Variants in PCARE observed in about 807,000 individuals in gnomAD.
PCARE encodes photoreceptor cilium actin regulator.
PCARE carries 72 observed loss-of-function variants against 82.2 expected under a neutral mutation model. The observed-to-expected ratio is 0.88, with a 90% CI of 0.72 to 1.07. The LOEUF (loss-of-function observed/expected upper bound fraction) is 1.07, where lower values mean the gene tolerates loss of function less well. Among genes scored for constraint, PCARE ranks in the 50% least tolerant of loss-of-function variants. PCARE has a pLI of 0.00. For synonymous variants in PCARE, 705 were observed against 634.8 expected (o/e 1.11, Z -1.66); for missense variants, 1,768 against 1,592.4 (o/e 1.11, Z -1.88).
At chr2:29,065,938 G>A (rs1404625880) in intron 1 of PCARE, among the ~76,000 whole-genome samples, 1 of 152,318 alleles carries the variant, frequency 6.6e-6, no homozygotes, top group East Asian at 1.9e-4. Context: ...CCTGGGGTCA[G>A]GAGTTTGAGA....
chr2:29,065,966 G>A (rs1026163091), intron 1 of PCARE, among the ~76,000 whole-genome samples: 4 of 152,150 alleles, frequency 2.6e-5, no homozygotes, highest in Non-Finnish European at 4.4e-5. Flanking sequence ...GGCTAACATG[G>A]TGAAACCCCA....
intron 1 of PCARE, 116 bp downstream of exon 1, chr2:29,070,478 C>G: frequency 7.0e-7 from 1 of 1,432,824 alleles, no homozygotes; most frequent in Non-Finnish European, 9.8e-7. Flanking sequence ...CCAACTGCCT[C>G]TTCTCTTGGA....
chr2:29,068,816 C>T (rs2148414059), intron 1 of PCARE, among the ~76,000 whole-genome samples: 1 of 152,264 alleles, frequency 6.6e-6, no homozygotes, highest in Admixed American at 6.5e-5. Flanking sequence ...CATGAAGACT[C>T]TTGTTCTCAC....
chr2:29,066,816 C>T (rs1018066137), intron 1 of PCARE, among the ~76,000 whole-genome samples: 1 of 152,224 alleles, frequency 6.6e-6, no homozygotes, highest in Admixed American at 6.5e-5. Flanking sequence ...AGCGTGCATG[C>T]CTGGGCAGTC....
chr2:29,071,191 G>A lies in PCARE; in HGVS notation c.3071C>T (p.Ser1024Phe). The change falls in exon 1 of 2, where the codon TCT (serine) becomes TTT (phenylalanine). Residue 1024 changes from serine to phenylalanine, a missense_variant. By Grantham distance (155) the Ser-to-Phe change is radical. Transcript: ENST00000331664. ...TGGGCTGGGGGGCGTCTGCACAGCA[G>A]AGGGGCTTGGCTGGGCAGGTCTGTA... is the stretch of plus-strand genomic sequence containing the variant. ...SSYRPAQPSP[S>F]AVQTPPSPPV... 15 of 1,597,818 alleles carry A rather than the reference G, an allele frequency of 9.4e-6. No homozygotes were observed. The highest frequency in any genetic ancestry group is 1.3e-5 in the Non-Finnish European group (15 of 1,171,974).
At position 29,073,490 on chromosome 2, in the gene PCARE, T is replaced by C. The variant is rs765838858; in HGVS notation, c.772A>G (p.Arg258Gly). The change falls in exon 1 of 2, where the codon AGA becomes GGA. Residue 258 changes from arginine to glycine, a missense_variant. By Grantham distance (125) the Arg-to-Gly change is moderately radical. Coordinates refer to ENST00000331664, the MANE Select transcript of PCARE (RefSeq NM_001029883.3). ...REDLAWPLKK[R>G]EPQEQPNLLQ... ...AGATTTGGCTGCTCCTGGGGCTCTC[T>C]TTTCTTCAAAGGCCAAGCCAGATCC... is the stretch of plus-strand genomic sequence containing the variant. 9 of 1,614,118 alleles carry C rather than the reference T, an allele frequency of 5.6e-6. No homozygotes were observed. The highest frequency in any genetic ancestry group is 7.6e-6 in the Non-Finnish European group (9 of 1,180,018).
In PCARE at chr2:29,063,420, A is replaced by C. The variant is rs534147998; in HGVS notation, c.*1449T>G. On this transcript the variant is annotated 3_prime_UTR_variant, in exon 2 of 2. Coordinates refer to ENST00000331664, the MANE Select transcript of PCARE (RefSeq NM_001029883.3). ...ATCAGCTGTTCTTTGGGTGCCTTTGAATAATAATTGGACAAGTCAAGGTGG... is the reference window on the plus strand; with the variant it reads ...ATCAGCTGTTCTTTGGGTGCCTTTGCATAATAATTGGACAAGTCAAGGTGG... The C allele has an allele frequency of 1.3e-5, 2 of 152,600 alleles. No individual in the cohort carries two copies. Among genetic ancestry groups the C allele is most frequent in the African/African-American group, 4.8e-5 (2 of 41,532 alleles). The allele number at this position is 152,600 out of a possible 1,614,324, so 9.5% of individuals were successfully genotyped here.
At chr2:29,065,281 G>A (rs1267907585) in intron 1 of PCARE, among the ~76,000 whole-genome samples, 3 of 152,238 alleles carry the variant, frequency 2.0e-5, no homozygotes, top group African/African-American at 7.2e-5. Flanking sequence ...TGTGGGAGCT[G>A]GGGTGACTGG....
In PCARE at chr2:29,064,854, C is replaced by T; in HGVS notation, c.*15G>A. On this transcript the variant is annotated 3_prime_UTR_variant, in exon 2 of 2. Coordinates refer to ENST00000331664, the MANE Select transcript of PCARE (RefSeq NM_001029883.3). ...TCTGGGGTGACTGCGTGAGTGTGGC[C>T]CCCTCGTCAGCCTGTCAGGACACCT... 3.1e-6 allele frequency: 5 copies of T among 1,609,794 alleles called. No homozygotes were observed. The highest frequency in any genetic ancestry group is 4.2e-6 in the Non-Finnish European group (5 of 1,179,906).
Position 29,073,212 on chromosome 2 carries a change from A to C in PCARE, c.1050T>G (p.Ser350Arg). The C allele has an allele frequency of 3.1e-6, 5 of 1,614,100 alleles. No individual in the cohort carries two copies. The highest frequency in any genetic ancestry group is 3.4e-6 in the Non-Finnish European group (4 of 1,179,998). Residue 350 changes from serine to arginine, a missense_variant, in exon 1 of 2, where the codon AGT becomes AGG. Ser to Arg is a moderately radical substitution (Grantham distance 110). Transcript: ENST00000331664. Reference sequence around the variant, plus strand: ...CGGACTCATTGTCAGCACCAATGCCACTGTCCTCAGAGCATAAGGGGAGAC... The same window carrying C: ...CGGACTCATTGTCAGCACCAATGCCCCTGTCCTCAGAGCATAAGGGGAGAC... ...VQGLPLCSED[S>R]GIGADNESVQ...
chr2:29,070,112 A>G (rs1355582205), intron 1 of PCARE, among the ~76,000 whole-genome samples: 2 of 151,898 alleles, frequency 1.3e-5, no homozygotes, highest in African/African-American at 4.8e-5. Context: ...TGAGATATAT[A>G]TATATATTTT....
In PCARE at chr2:29,072,370, GCACC is replaced by G. The variant is rs1455898503; in HGVS notation, c.1888_1891del (p.Gly630ProfsTer114). ...CTCCTGGCTCTGCCCCTGCCCTTTGGCACCCAGGGCATAAAATGCCTCCAGCTTC... is the reference window on the plus strand; with the variant it reads ...CTCCTGGCTCTGCCCCTGCCCTTTGGCAGGGCATAAAATGCCTCCAGCTTC... On this transcript the variant is annotated frameshift_variant, in exon 1 of 2. Coordinates refer to ENST00000331664, the MANE Select transcript of PCARE (RefSeq NM_001029883.3). LOFTEE classifies it high-confidence loss of function. 1 of 1,613,956 alleles carries G rather than the reference GCACC, an allele frequency of 6.2e-7. No homozygotes were observed. The highest frequency in any genetic ancestry group is 8.5e-7 in the Non-Finnish European group (1 of 1,180,024).
chr2:29,072,923 G>C lies in PCARE; in HGVS notation c.1339C>G (p.Pro447Ala). ...STSPENITSP[P>A]LKLGTSTPCD... Reference sequence around the variant, plus strand: ...GGGGTGCTTGTCCCCAGCTTCAAAGGTGGGGAGGTGATATTTTCTGGGCTT... The same window carrying C: ...GGGGTGCTTGTCCCCAGCTTCAAAGCTGGGGAGGTGATATTTTCTGGGCTT... The change falls in exon 1 of 2, where the codon CCT (proline) becomes GCT (alanine). Residue 447 changes from proline to alanine, a missense_variant. Transcript: ENST00000331664. 6.2e-7 allele frequency: 1 copy of C among 1,614,166 alleles called. No homozygotes were observed. Among genetic ancestry groups the C allele is most frequent in the South Asian group, 1.1e-5 (1 of 91,070 alleles).
rs756174114 is a variant in PCARE, at chr2:29,072,748, C to G, written c.1514G>C (p.Trp505Ser). 2 of 1,614,104 alleles carry G rather than the reference C, an allele frequency of 1.2e-6. No homozygotes were observed. The highest frequency in any genetic ancestry group is 8.5e-7 in the Non-Finnish European group (1 of 1,180,032). Reference sequence around the variant, plus strand: ...CCTTGAATGTGGAGTTTTTTCCTGCCAGGCACACAGACTCATGCTGCTCAT... The same window carrying G: ...CCTTGAATGTGGAGTTTTTTCCTGCGAGGCACACAGACTCATGCTGCTCAT... ...DKMSSMSLCA[W>S]QEKTPHSRPQ... The change falls in exon 1 of 2, where the codon TGG (tryptophan) becomes TCG (serine). Residue 505 changes from tryptophan (W) to serine (S), a missense_variant. By Grantham distance (177) the Trp-to-Ser change is radical (BLOSUM62 -3). Transcript: ENST00000331664.
At position 29,071,426 on chromosome 2, in the gene PCARE, T is replaced by A. The variant is rs1207283509; in HGVS notation, c.2836A>T (p.Lys946Ter). 1 of 1,613,224 alleles carries A rather than the reference T, an allele frequency of 6.2e-7. No homozygotes were observed. The highest frequency in any genetic ancestry group is 1.7e-5 in the Admixed American group (1 of 60,012). The part of the protein sequence containing the change: ...VKGGTWSQAE[K>*]ATSLYRQPRK... ...GGCTGCCTGTAGAGGCTGGTGGCCTTCTCTGCCTGACTCCAAGTCCCACCC... is the reference window on the plus strand; with the variant it reads ...GGCTGCCTGTAGAGGCTGGTGGCCTACTCTGCCTGACTCCAAGTCCCACCC... Residue 946 changes from lysine (K) to a stop codon, truncating the protein, a stop_gained, in exon 1 of 2, where the codon AAG becomes TAG. Transcript: ENST00000331664. LOFTEE classifies it high-confidence loss of function.
rs755375197 is a variant in PCARE at position 29,071,346 on chromosome 2, G to GGTCCTGTTTT, written c.2906_2915dup (p.Ser973LysfsTer137). 10 of 1,613,598 alleles carry GGTCCTGTTTT rather than the reference G, an allele frequency of 6.2e-6. No homozygotes were observed. The highest frequency in any genetic ancestry group is 7.6e-6 in the Non-Finnish European group (9 of 1,179,940). ...TTGGTCTGGCCAGGCTGGACTCTGA[G>GGTCCTGTTTT]GTCCTGTTTTGTCCAGATGGAGGGC... On this transcript the variant is annotated frameshift_variant, in exon 1 of 2. Coordinates refer to ENST00000331664, the MANE Select transcript of PCARE (RefSeq NM_001029883.3). LOFTEE classifies it high-confidence loss of function.
Position 29,073,961 on chromosome 2 carries a change from A to T in PCARE, c.301T>A (p.Ser101Thr). 1 of 1,614,202 alleles carries T rather than the reference A, an allele frequency of 6.2e-7. No homozygotes were observed. Among genetic ancestry groups the T allele is most frequent in the Non-Finnish European group, 8.5e-7 (1 of 1,180,034 alleles). The change falls in exon 1 of 2, where the codon TCC becomes ACC. Residue 101 changes from serine (S) to threonine (T), a missense_variant. By Grantham distance (58) the Ser-to-Thr change is moderately conservative (BLOSUM62 1). Transcript: ENST00000331664. Reference sequence around the variant, plus strand: ...TGGCTTTGTGATTTGTTCAGCTGGGATGAAGAGGTTTTGGTTCCTGGGATC... The same window carrying T: ...TGGCTTTGTGATTTGTTCAGCTGGGTTGAAGAGGTTTTGGTTCCTGGGATC... ...GLIPGTKTSS[S>T]QLNKSQSHMA...
In PCARE at chr2:29,064,842, CGTGA is replaced by C; in HGVS notation, c.*23_*26del. The stretch of plus-strand genomic sequence containing the variant: ...CACACTTGGCCTTCTGGGGTGACTG[CGTGA>C]GTGTGGCCCCCTCGTCAGCCTGTCA... On this transcript the variant is annotated 3_prime_UTR_variant, in exon 2 of 2. Transcript: ENST00000331664. 1 of 1,607,888 alleles carries C rather than the reference CGTGA, an allele frequency of 6.2e-7. No homozygotes were observed. The highest frequency in any genetic ancestry group is 1.1e-5 in the South Asian group (1 of 90,934).
chr2:29,064,395 A>C lies in PCARE; in HGVS notation c.*474T>G. 1 of 204,442 alleles carries C rather than the reference A, an allele frequency of 4.9e-6. No individual in the cohort carries two copies. Among genetic ancestry groups the C allele is most frequent in the Non-Finnish European group, 1.0e-5 (1 of 99,050 alleles). 12.7% of individuals were successfully genotyped at this position (204,442 alleles called of 1,614,324 possible). On this transcript the variant is annotated 3_prime_UTR_variant, in exon 2 of 2. Coordinates refer to ENST00000331664, the MANE Select transcript of PCARE (RefSeq NM_001029883.3). The stretch of plus-strand genomic sequence containing the variant: ...ACTCATCTGTGCAAAATTTTGCTCT[A>C]TTCTCTTCTTAGCTGTATGACCTTC...
Sources: allele counts gnomAD v4.1 joint callset (sites outside exome capture counted in the v4.1 genomes callset), GRCh38; gene constraint gnomAD v4.1.1; transcripts MANE v1.5; gene names NCBI Gene and HGNC (gene_info 2026-07-23, HGNC 2026-07-21).